The following GINM1 variants were observed in gnomAD, a reference collection of about 807,000 sequenced individuals.
GINM1 encodes glycoprotein integral membrane protein 1.
GINM1 carries 29 observed loss-of-function variants against 37.8 expected under a neutral mutation model. That is an observed-to-expected ratio of 0.77 (90% CI 0.57 to 1.05). The LOEUF (loss-of-function observed/expected upper bound fraction) is 1.05. Ranked by LOEUF, GINM1 falls within the 50% of genes least tolerant of loss-of-function variation. The pLI is 0.00. For missense variants in GINM1, 377 were observed against 397.9 expected (o/e 0.95, Z 0.45); for synonymous variants, 143 against 146.2 (o/e 0.98, Z 0.16).
At chr6:149,572,475 T>C (rs1777842645) in intron 2 of GINM1, 32 bp from the exon 3 acceptor site, 1 of 1,355,956 alleles carries the variant, frequency 7.4e-7, no homozygotes. Flanking sequence ...TTATAAATAT[T>C]GGAATTAATG....
intron 3 of GINM1, among the ~76,000 whole-genome samples, chr6:149,575,538 TG>T (rs1777901391): frequency 6.6e-6 from 1 of 152,234 alleles, no homozygotes; most frequent in South Asian, 2.1e-4. Flanking sequence ...CAAATGCCTT[TG>T]CGGGAAGAAA....
At chr6:149,569,327 C>T (rs1185022668) in intron 1 of GINM1, among the ~76,000 whole-genome samples, 34 of 137,068 alleles carry the variant, frequency 2.5e-4, no homozygotes, top group East Asian at 2.4e-3. Context: ...TGAGCCACTG[C>T]GCCCGGTCAC....
chr6:149,573,804 A>G (rs1483626157), intron 3 of GINM1, among the ~76,000 whole-genome samples: 3 of 151,850 alleles, frequency 2.0e-5, no homozygotes, highest in South Asian at 4.2e-4. Context: ...CAGCCTGGGC[A>G]ACAGAGTAAG....
At chr6:149,584,077 G>A (rs1778037253) in intron 7 of GINM1, among the ~76,000 whole-genome samples, 1 of 152,052 alleles carries the variant, frequency 6.6e-6, no homozygotes, top group African/African-American at 2.4e-5. Context: ...CTGGGTTCAA[G>A]CGATTCTCCT....
In GINM1 at chr6:149,572,393, C is replaced by T. The variant is rs766102071; in HGVS notation, c.180+49C>T. On this transcript the variant is annotated intron_variant, in intron 2 of 7. Transcript: ENST00000367419. Reference sequence around the variant, plus strand: ...ATATATAATTTAGCTAAGTGCTATGCAGCTTATTTGATTTTTTAACTTGCA... The same window carrying T: ...ATATATAATTTAGCTAAGTGCTATGTAGCTTATTTGATTTTTTAACTTGCA... The T allele has an allele frequency of 8.8e-6, 12 of 1,359,998 alleles. No individual in the cohort carries two copies. In the South Asian group the frequency reaches 1.0e-4, roughly 11 times the overall value. The allele number at this position is 1,359,998 out of a possible 1,614,324, so 84.2% of individuals were successfully genotyped here. A position where few individuals can be genotyped will look rare whatever the true frequency, so the allele number is the denominator to read the frequency against.
rs1245408928 is a variant in GINM1, at chr6:149,582,679, T to C, written c.881+76T>C. The C allele has an allele frequency of 2.8e-6, 3 of 1,061,590 alleles. No individual in the cohort carries two copies. The African/African-American group carries it at 5.0e-5, about 18-fold the overall frequency. The allele number at this position is 1,061,590 out of a possible 1,614,324, so 65.8% of individuals were successfully genotyped here. A position where few individuals can be genotyped will look rare whatever the true frequency, so the allele number is the denominator to read the frequency against. On this transcript the variant is annotated intron_variant, in intron 7 of 7. Coordinates refer to ENST00000367419, the MANE Select transcript of GINM1 (RefSeq NM_138785.5). ...GAGACATATTTGCTATGTTTTAGAA[T>C]AGAAAATATAAAAATTAGAAAGGGT...
chr6:149,583,537 G>A (rs1365686614), intron 7 of GINM1, among the ~76,000 whole-genome samples: 2 of 151,742 alleles, frequency 1.3e-5, no homozygotes, highest in East Asian at 3.9e-4. Context: ...GCTGAGGCAG[G>A]AGAATCGCTT....
chr6:149,579,646 C>T (rs369135421), intron 4 of GINM1, among the ~76,000 whole-genome samples, 188 bp from the exon 5 acceptor site: 63 of 151,082 alleles, frequency 4.2e-4, no homozygotes, highest in Admixed American at 1.6e-3. Context: ...AAGCTGAGAT[C>T]GCACCATTGC....
intron 1 of GINM1, 38 bp from the exon 2 acceptor site, chr6:149,572,247 A>G: frequency 7.8e-7 from 1 of 1,278,868 alleles, no homozygotes. Context: ...AATCTGTGAG[A>G]TGCACACCTT....
chr6:149,578,609 C>G (rs1400543448), intron 3 of GINM1, among the ~76,000 whole-genome samples: 1 of 151,468 alleles, frequency 6.6e-6, no homozygotes, highest in African/African-American at 2.4e-5. Flanking sequence ...ACACATTTTA[C>G]CCTTTCAAAT....
chr6:149,587,541 T>C (rs1314308995), intron 7 of GINM1, among the ~76,000 whole-genome samples: 1 of 152,118 alleles, frequency 6.6e-6, no homozygotes, highest in East Asian at 1.9e-4. Flanking sequence ...CACCTCCACT[T>C]ACTGGTTTAT....
At chr6:149,585,783 G>T (rs1268332247) in intron 7 of GINM1, among the ~76,000 whole-genome samples, 1 of 152,028 alleles carries the variant, frequency 6.6e-6, no homozygotes, top group Non-Finnish European at 1.5e-5. Flanking sequence ...TAGTAGAGAC[G>T]AGGTTTCACT....
intron 1 of GINM1, among the ~76,000 whole-genome samples, chr6:149,569,368 G>C (rs1477998443): frequency 3.2e-5 from 4 of 124,878 alleles, no homozygotes; most frequent in African/African-American, 1.2e-4. Context: ...GTGAAGTCTC[G>C]CTCTGTCCCC....
intron 1 of GINM1, among the ~76,000 whole-genome samples, chr6:149,568,057 A>C (rs1282733448): frequency 1.3e-5 from 2 of 152,238 alleles, no homozygotes; most frequent in African/African-American, 2.4e-5. Flanking sequence ...TTACTATTTC[A>C]GTTCTCCCTT....
chr6:149,575,006 T>A (rs1777893054), intron 3 of GINM1, among the ~76,000 whole-genome samples: 1 of 152,252 alleles, frequency 6.6e-6, no homozygotes, highest in Non-Finnish European at 1.5e-5. Flanking sequence ...TAACTCTTTG[T>A]GTTCTTAAAC....
In GINM1 at chr6:149,578,388, T is replaced by C. The variant is rs1329298909; in HGVS notation, c.278-434T>C. Among the ~76,000 whole-genome samples the C allele has an allele frequency of 2.0e-5, 3 of 151,778 alleles. No homozygotes were observed. In the East Asian group the frequency reaches 5.8e-4, roughly 29 times the overall value. ...AAAAATACAAAAAAACAGCTGAGCATGGTGGTGCAAGCCTGTAAACCCAGC... is the reference window on the plus strand; with the variant it reads ...AAAAATACAAAAAAACAGCTGAGCACGGTGGTGCAAGCCTGTAAACCCAGC... On this transcript the variant is annotated intron_variant, in intron 3 of 7. Transcript: ENST00000367419.
In GINM1 at chr6:149,589,685, T is replaced by G. The variant is rs1456862074; in HGVS notation, c.882-1042T>G. ...AGTAATTTATCATTGACTTAGAATG[T>G]TACCTTATTATAAACTAAATTTCCA... On this transcript the variant is annotated intron_variant, in intron 7 of 7. Coordinates refer to ENST00000367419, the MANE Select transcript of GINM1 (RefSeq NM_138785.5). 3.3e-5 allele frequency among the ~76,000 whole-genome samples: 5 copies of G among 152,360 alleles called. No individual in the cohort carries two copies. In the East Asian group the frequency reaches 9.6e-4, roughly 29 times the overall value.
intron 7 of GINM1, among the ~76,000 whole-genome samples, chr6:149,589,473 A>G (rs1023167058): frequency 6.6e-6 from 1 of 151,114 alleles, no homozygotes; most frequent in Non-Finnish European, 1.5e-5. Flanking sequence ...GGGTTTCACC[A>G]TGTTGGCCAG....
intron 3 of GINM1, chr6:149,576,091 G>A (rs1339138711): frequency 6.6e-6 from 1 of 152,086 alleles, no homozygotes; most frequent in Non-Finnish European, 1.5e-5. Flanking sequence ...GTTTCTGTAG[G>A]TCGAGAATCT....
Sources: gnomAD v4.1 joint callset for allele counts (sites outside exome capture counted in the v4.1 genomes callset) on GRCh38, gnomAD v4.1.1 for gene constraint, MANE v1.5 for transcripts, NCBI Gene and HGNC (gene_info 2026-07-23, HGNC 2026-07-21) for gene names.